NSMCE2: variants seen among roughly 807,000 people sequenced by gnomAD.
NSMCE2 encodes the protein NSE2 SUMO ligase component of SMC5/6 complex.
NSMCE2 carries 24 observed loss-of-function variants against 23.8 expected under a neutral mutation model. The ratio of observed to expected loss-of-function variants is 1.01; its 90% CI spans 0.73 to 1.42. The LOEUF is 1.42. Ranked by LOEUF, NSMCE2 falls within the 40% of genes most tolerant of loss-of-function variation. The probability of loss-of-function intolerance (pLI) is 0.00; values close to 1 mark genes in which losing one functional copy is unlikely to be tolerated. For synonymous variants in NSMCE2, 92 were observed against 94.1 expected, an observed-to-expected ratio of 0.98 and a Z score of 0.13; for missense variants, 284 against 296.5, an observed-to-expected ratio of 0.96 and a Z score of 0.31.
intron 3 of NSMCE2, among the ~76,000 whole-genome samples, chr8:125,110,755 T>G (rs76368133): frequency 0.067 from 9,545 of 142,392 alleles, 405 homozygotes; most frequent in Middle Eastern, 0.21. Flanking sequence ...TAATTTTGGT[T>G]GTTGTTGTTT....
intron 5 of NSMCE2, among the ~76,000 whole-genome samples, chr8:125,328,308 G>A (rs941872958): frequency 1.3e-5 from 2 of 152,116 alleles, no homozygotes; most frequent in Admixed American, 6.5e-5. Flanking sequence ...TCATGGGATG[G>A]AGCTAAGTAT....
chr8:125,365,772 G>T (rs1018547779), intron 7 of NSMCE2, among the ~76,000 whole-genome samples: 1 of 152,140 alleles, frequency 6.6e-6, no homozygotes. Context: ...CAGGAGAATT[G>T]CTTGAACCCA....
chr8:125,172,506 G>GA (rs1563696116), intron 4 of NSMCE2, among the ~76,000 whole-genome samples: 1 of 152,076 alleles, frequency 6.6e-6, no homozygotes, highest in South Asian at 2.1e-4. Context: ...TTCTAAAAGC[G>GA]AAAAATATGC....
chr8:125,346,355 C>G (rs1830436020), intron 5 of NSMCE2, among the ~76,000 whole-genome samples: 1 of 152,218 alleles, frequency 6.6e-6, no homozygotes, highest in Admixed American at 6.5e-5. Context: ...GGAGAATGGA[C>G]AGGCTATACG....
chr8:125,264,661 G>C (rs1226320201), intron 5 of NSMCE2, among the ~76,000 whole-genome samples: 1 of 152,118 alleles, frequency 6.6e-6, no homozygotes, highest in African/African-American at 2.4e-5. Context: ...AGGGTGGGCT[G>C]TTCTTGAAGC....
rs377398075 is a variant in NSMCE2, at chr8:125,094,914, C to T, written c.-111+2956C>T. 1.9e-4 allele frequency among the ~76,000 whole-genome samples: 29 copies of T among 152,248 alleles called. No homozygotes were observed. The South Asian group carries it at 2.5e-3, about 13-fold the overall frequency. On this transcript the variant is annotated intron_variant, in intron 1 of 7. Transcript: ENST00000287437. ...TGTTGCCCAGGCTGGAGTGCAGTGG[C>T]GTGATCATGGCTTACTGCAACCTCA...
At chr8:125,214,738 A>G (rs1311031381) in intron 5 of NSMCE2, among the ~76,000 whole-genome samples, 1 of 152,152 alleles carries the variant, frequency 6.6e-6, no homozygotes, top group Non-Finnish European at 1.5e-5. Context: ...ATGAACCAAT[A>G]TTGATACACT....
chr8:125,146,573 A>T (rs1015791329), intron 3 of NSMCE2, among the ~76,000 whole-genome samples: 4 of 152,316 alleles, frequency 2.6e-5, no homozygotes, highest in Middle Eastern at 3.4e-3. Flanking sequence ...GCCATAAAAA[A>T]TGATGAGTTC....
chr8:125,199,324 T>C (rs996798776), intron 5 of NSMCE2, among the ~76,000 whole-genome samples: 5 of 152,372 alleles, frequency 3.3e-5, no homozygotes, highest in Non-Finnish European at 7.3e-5. Flanking sequence ...TCTAGTGCTA[T>C]AAATTTTCCT....
At chr8:125,230,266 T>C (rs1460232551) in intron 5 of NSMCE2, among the ~76,000 whole-genome samples, 1 of 151,830 alleles carries the variant, frequency 6.6e-6, no homozygotes, top group Non-Finnish European at 1.5e-5. Context: ...CATTCTTATT[T>C]CCTCCTGGCC....
At chr8:125,313,866 T>G (rs947171979) in intron 5 of NSMCE2, among the ~76,000 whole-genome samples, 2 of 152,200 alleles carry the variant, frequency 1.3e-5, no homozygotes, top group Non-Finnish European at 2.9e-5. Context: ...GATCTGAGAT[T>G]CAGTCCACCA....
intron 5 of NSMCE2, among the ~76,000 whole-genome samples, chr8:125,300,893 C>T (rs1286043221): frequency 1.3e-5 from 2 of 152,112 alleles, no homozygotes; most frequent in African/African-American, 2.4e-5. Flanking sequence ...AAGAACATTC[C>T]ACCTGGGCTC....
At chr8:125,100,763 G>A (rs1448666708) in intron 1 of NSMCE2, among the ~76,000 whole-genome samples, 1 of 152,110 alleles carries the variant, frequency 6.6e-6, no homozygotes, top group African/African-American at 2.4e-5. Context: ...GTTTTGCCAT[G>A]TTGGCCATGC....
chr8:125,108,961 G>C (rs986057322), intron 3 of NSMCE2, among the ~76,000 whole-genome samples: 1 of 152,142 alleles, frequency 6.6e-6, no homozygotes, highest in Non-Finnish European at 1.5e-5. Context: ...GAAAAAATAT[G>C]GTAAGATCCA....
At position 125,193,785 on chromosome 8, in the gene NSMCE2, A is replaced by G. The variant is rs1321756314; in HGVS notation, c.418+11529A>G. ...ACATGGCTGCTTTATCTTCACCCCT[A>G]GTTTTATCCTAAGTGTGCCCCTTCA... On this transcript the variant is annotated intron_variant, in intron 5 of 7. Transcript: ENST00000287437. 5.3e-5 allele frequency among the ~76,000 whole-genome samples: 8 copies of G among 152,328 alleles called. No homozygotes were observed. The South Asian group carries it at 1.0e-3, about 20-fold the overall frequency.
At chr8:125,163,868 T>C (rs1821746166) in intron 4 of NSMCE2, among the ~76,000 whole-genome samples, 1 of 151,992 alleles carries the variant, frequency 6.6e-6, no homozygotes, top group African/African-American at 2.4e-5. Context: ...GGCTAGCCAA[T>C]AAAAAAGGAA....
chr8:125,328,335 A>C (rs564990902), intron 5 of NSMCE2, among the ~76,000 whole-genome samples: 1 of 152,172 alleles, frequency 6.6e-6, no homozygotes, highest in African/African-American at 2.4e-5. Flanking sequence ...TGTAGTCTCC[A>C]TTTAAGAATC....
At chr8:125,250,719 T>C (rs1826168999) in intron 5 of NSMCE2, among the ~76,000 whole-genome samples, 1 of 152,142 alleles carries the variant, frequency 6.6e-6, no homozygotes, top group Non-Finnish European at 1.5e-5. Flanking sequence ...GGTGCCAGCA[T>C]AGCTTACTGC....
chr8:125,183,021 T>G (rs954456304), intron 5 of NSMCE2, among the ~76,000 whole-genome samples: 2 of 152,228 alleles, frequency 1.3e-5, no homozygotes, highest in African/African-American at 4.8e-5. Flanking sequence ...TAGTCTTTGC[T>G]TCTTTTAGGA....
Sources: allele counts gnomAD v4.1 joint callset (sites outside exome capture counted in the v4.1 genomes callset), GRCh38; gene constraint gnomAD v4.1.1; transcripts MANE v1.5; gene names NCBI Gene and HGNC (gene_info 2026-07-23, HGNC 2026-07-21).